The following MSN variants were observed in gnomAD, a reference collection of about 807,000 sequenced individuals.
MSN encodes the protein moesin.
In MSN, 2 loss-of-function variants were observed where a neutral mutation model predicts 48.0. The ratio of observed to expected loss-of-function variants is 0.04; its 90% CI spans 0.02 to 0.13. MSN has a LOEUF of 0.13. Ranked by LOEUF, MSN falls within the 10% of genes least tolerant of loss-of-function variation. The pLI, the probability that MSN is intolerant of heterozygous loss-of-function variation, is 1.00. For synonymous variants in MSN, 146 were observed against 166.9 expected, an observed-to-expected ratio of 0.87 and a Z score of 0.97; for missense variants, 267 against 470.1, an observed-to-expected ratio of 0.57 and a Z score of 3.99.
At chrX:65,657,679 C>T (rs1029068835) in intron 1 of MSN, among the ~76,000 whole-genome samples, 1 of 111,705 alleles carries the variant, frequency 9.0e-6, no homozygotes, top group African/African-American at 3.3e-5. Flanking sequence ...ACTGGCAAAA[C>T]GCCTTATCAG....
At chrX:65,612,377 A>T (rs967681417) in intron 1 of MSN, among the ~76,000 whole-genome samples, 3 of 110,737 alleles carry the variant, frequency 2.7e-5, no homozygotes. Context: ...GTTCCTCATA[A>T]ATTACCTACT....
intron 2 of MSN, among the ~76,000 whole-genome samples, chrX:65,727,580 G>C (rs1191166209): frequency 1.8e-5 from 2 of 112,099 alleles, no homozygotes; most frequent in Non-Finnish European, 1.9e-5. Flanking sequence ...AAGGTTCTTG[G>C]TATGTGTCAG....
chrX:65,696,566 G>T (rs538424836), intron 1 of MSN, among the ~76,000 whole-genome samples: 3 of 110,984 alleles, frequency 2.7e-5, no homozygotes, highest in East Asian at 5.6e-4. Flanking sequence ...GGGGCTGGGG[G>T]TAGGATTCTT....
intron 1 of MSN, among the ~76,000 whole-genome samples, chrX:65,680,971 G>C (rs780564330): frequency 1.5e-3 from 164 of 110,407 alleles, no homozygotes; most frequent in Middle Eastern, 0.014. Context: ...GGCTGGTCTT[G>C]AACTCCTGGC....
At chrX:65,712,889 T>G (rs2071427879) in intron 1 of MSN, among the ~76,000 whole-genome samples, 1 of 111,589 alleles carries the variant, frequency 9.0e-6, no homozygotes, top group African/African-American at 3.3e-5. Context: ...GTAAGAGGAA[T>G]TTAGCATATT....
intron 5 of MSN, 128 bp from the exon 6 acceptor site, chrX:65,731,710 G>A (rs2071624071): frequency 5.4e-6 from 4 of 737,197 alleles, no homozygotes; most frequent in Middle Eastern, 5.0e-4. Flanking sequence ...TCATCTGCTT[G>A]CCTTTTGTCC....
chrX:65,636,430 A>G (rs1172434844), intron 1 of MSN, among the ~76,000 whole-genome samples: 1 of 111,161 alleles, frequency 9.0e-6, no homozygotes, highest in Non-Finnish European at 1.9e-5. Flanking sequence ...GTAGAAATTC[A>G]AACAGCATAG....
chrX:65,648,805 G>A (rs1251616605), intron 1 of MSN, among the ~76,000 whole-genome samples: 1 of 110,703 alleles, frequency 9.0e-6, no homozygotes, highest in Non-Finnish European at 1.9e-5. Context: ...GGAAGTTGCA[G>A]TGAGCCGAGA....
At chrX:65,650,467 G>A (rs1042102504) in intron 1 of MSN, among the ~76,000 whole-genome samples, 14 of 112,366 alleles carry the variant, frequency 1.2e-4, no homozygotes, top group Non-Finnish European at 2.6e-4. Flanking sequence ...GTTCTGGCTG[G>A]GGAGGTGCCA....
chrX:65,630,886 T>C (rs953498896), intron 1 of MSN, among the ~76,000 whole-genome samples: 2 of 111,748 alleles, frequency 1.8e-5, no homozygotes, highest in Admixed American at 9.6e-5. Flanking sequence ...ATAGTAGATT[T>C]ACATACAGTT....
chrX:65,640,579 A>G (rs1293015212), intron 1 of MSN, among the ~76,000 whole-genome samples: 4 of 111,071 alleles, frequency 3.6e-5, no homozygotes, highest in Non-Finnish European at 5.7e-5. Context: ...ACCGTTAGAG[A>G]GATACTTCTG....
At chrX:65,617,340 CT>C (rs1443715938) in intron 1 of MSN, among the ~76,000 whole-genome samples, 1 of 110,326 alleles carries the variant, frequency 9.1e-6, no homozygotes, top group Non-Finnish European at 1.9e-5. Context: ...TGGTCCTGGA[CT>C]TTTTTTGGTT....
At chrX:65,625,328 C>T (rs1192955004) in intron 1 of MSN, 2 of 111,871 alleles carry the variant, frequency 1.8e-5, no homozygotes, top group East Asian at 2.8e-4. Flanking sequence ...TGTTCAAATC[C>T]TCTACTTTCT....
chrX:65,699,174 A>G (rs1272541553), intron 1 of MSN, among the ~76,000 whole-genome samples: 2 of 111,997 alleles, frequency 1.8e-5, no homozygotes, highest in Non-Finnish European at 3.8e-5. Context: ...TAGAAATGTA[A>G]TAAAGTCAAA....
intron 1 of MSN, among the ~76,000 whole-genome samples, chrX:65,628,980 C>T (rs1159804273): frequency 1.8e-4 from 19 of 108,291 alleles, no homozygotes; most frequent in East Asian, 1.2e-3. Context: ...GCAGGAGAAT[C>T]GCTTAAACCT....
At chrX:65,690,548 A>C (rs1467834456) in intron 1 of MSN, among the ~76,000 whole-genome samples, 1 of 111,745 alleles carries the variant, frequency 8.9e-6, no homozygotes, top group Non-Finnish European at 1.9e-5. Context: ...AGGATAGAAC[A>C]GGATAGGAGG....
intron 1 of MSN, among the ~76,000 whole-genome samples, chrX:65,652,698 C>T (rs73629469): frequency 0.014 from 1,535 of 111,900 alleles, 25 homozygotes; most frequent in African/African-American, 0.047. Flanking sequence ...ATTCTTATTG[C>T]TCTTGAGTCT....
chrX:65,722,009 G>A (rs757162140), intron 2 of MSN, among the ~76,000 whole-genome samples: 3 of 111,937 alleles, frequency 2.7e-5, no homozygotes, highest in Admixed American at 9.5e-5. Flanking sequence ...TTGAGTCCAG[G>A]AGTTCAAGGT....
intron 1 of MSN, among the ~76,000 whole-genome samples, chrX:65,642,271 A>T (rs2070662163): frequency 9.0e-6 from 1 of 110,993 alleles, no homozygotes; most frequent in African/African-American, 3.3e-5. Flanking sequence ...ACCTATATTA[A>T]TTGGCATGCA....
Sources: allele counts gnomAD v4.1 joint callset (sites outside exome capture counted in the v4.1 genomes callset), GRCh38; gene constraint gnomAD v4.1.1; transcripts MANE v1.5; gene names NCBI Gene and HGNC (gene_info 2026-07-23, HGNC 2026-07-21).